The following IGF2R variants were observed in gnomAD, a reference collection of about 807,000 sequenced individuals.
IGF2R encodes cation-independent mannose-6-phosphate receptor.
Under a neutral mutation model 270.6 loss-of-function variants are expected in IGF2R, and 91 were observed. That is an observed-to-expected ratio of 0.34 (90% CI 0.28 to 0.40). The LOEUF (loss-of-function observed/expected upper bound fraction) is 0.40, where lower values mean the gene tolerates loss of function less well. Among genes scored for constraint, IGF2R ranks in the 10% least tolerant of loss-of-function variants. The pLI, the probability that IGF2R is intolerant of heterozygous loss-of-function variation, is 1.00. For missense variants in IGF2R, 2,805 were observed against 3,188.3 expected, an observed-to-expected ratio of 0.88 and a Z score of 2.90; for synonymous variants, 1,316 against 1,258.9, an observed-to-expected ratio of 1.05 and a Z score of -0.96.
intron 47 of IGF2R, among the ~76,000 whole-genome samples, 163 bp from the exon 48 acceptor site, chr6:160,104,511 C>T (rs553148759): frequency 3.9e-5 from 6 of 152,138 alleles, no homozygotes; most frequent in South Asian, 2.1e-4. Flanking sequence ...TGCCAGCCCT[C>T]GTCTTCCTTT....
intron 7 of IGF2R, among the ~76,000 whole-genome samples, chr6:160,031,382 T>C (rs1025389734): frequency 2.0e-5 from 3 of 152,152 alleles, no homozygotes; most frequent in African/African-American, 7.2e-5. Flanking sequence ...CAGTGGTTAT[T>C]AGTATTTTTT....
rs751393815 is a variant in IGF2R at position 160,079,692 on chromosome 6, C to T, written c.5591C>T (p.Ala1864Val). 4.5e-6 allele frequency: 7 copies of T among 1,540,990 alleles called. No homozygotes were observed. Among genetic ancestry groups the T allele is most frequent in the Non-Finnish European group, 6.1e-6 (7 of 1,146,236 alleles). ...GVCLLSGTKG[A>V]SFGRLQSMKL... is the part of the protein sequence containing the mutation. Reference sequence around the variant, plus strand: ...TGTCTGCTCTCAGGCACCAAGGGGGCATCCTTTGGACGGCTGCAATCAATG... The same window carrying T: ...TGTCTGCTCTCAGGCACCAAGGGGGTATCCTTTGGACGGCTGCAATCAATG... The change falls in exon 38 of 48, where the codon GCA becomes GTA. Residue 1864 changes from alanine to valine, a missense_variant. Coordinates refer to ENST00000356956, the MANE Select transcript of IGF2R (RefSeq NM_000876.4).
intron 19 of IGF2R, among the ~76,000 whole-genome samples, chr6:160,055,381 A>G (rs1778289702): frequency 6.6e-6 from 1 of 152,008 alleles, no homozygotes; most frequent in Non-Finnish European, 1.5e-5. Flanking sequence ...GTAGCTTCAC[A>G]TTGTTGTCGT....
At chr6:160,023,454 A>G (rs1012483659) in intron 4 of IGF2R, among the ~76,000 whole-genome samples, 8 of 152,158 alleles carry the variant, frequency 5.3e-5, no homozygotes, top group African/African-American at 1.9e-4. Context: ...GGTTTTGTGT[A>G]TCCAAGTGAT....
At chr6:160,021,923 C>T (rs958838569) in intron 4 of IGF2R, among the ~76,000 whole-genome samples, 3 of 152,096 alleles carry the variant, frequency 2.0e-5, no homozygotes, top group Admixed American at 6.6e-5. Flanking sequence ...CAAAGAGATA[C>T]GTGCACTCGT....
rs1015961805 is a variant in IGF2R at position 160,082,791 on chromosome 6, G to A, written c.5834-1159G>A. The stretch of plus-strand genomic sequence containing the variant: ...ACATGAGATGTGGCCAGGGCAGCAC[G>A]TGGTGTGTTGCCAGATGGCGGATGG... On this transcript the variant is annotated intron_variant, in intron 39 of 47. Transcript: ENST00000356956. 9.8e-5 allele frequency among the ~76,000 whole-genome samples: 15 copies of A among 152,368 alleles called. No individual in the cohort carries two copies. In the East Asian group the frequency reaches 2.3e-3, roughly 24 times the overall value.
intron 11 of IGF2R, among the ~76,000 whole-genome samples, chr6:160,042,667 C>T (rs1239578011): frequency 6.6e-6 from 1 of 152,216 alleles, no homozygotes; most frequent in African/African-American, 2.4e-5. Flanking sequence ...GCATTGCATC[C>T]TGCACTCAGT....
At chr6:160,043,919 A>G (rs1471518521) in intron 12 of IGF2R, among the ~76,000 whole-genome samples, 3 of 152,222 alleles carry the variant, frequency 2.0e-5, no homozygotes, top group Admixed American at 2.0e-4. Flanking sequence ...GGTATTCAGA[A>G]TTGCTGGTGT....
intron 2 of IGF2R, chr6:160,006,763 C>T (rs904148968): frequency 1.2e-4 from 19 of 152,274 alleles, no homozygotes; most frequent in African/African-American, 4.1e-4. Context: ...ATAGACTAAC[C>T]TTTTTCCTTT....
rs1779503710 is a variant in IGF2R, at chr6:160,102,278, G to A, written c.6843-241G>A. Reference sequence around the variant, plus strand: ...TGGGTGAATGATAGTTCATGGAGCTGGAAGCAGTGCCTTCTTGTCTGCTTT... The same window carrying A: ...TGGGTGAATGATAGTTCATGGAGCTAGAAGCAGTGCCTTCTTGTCTGCTTT... On this transcript the variant is annotated intron_variant, in intron 45 of 47. Transcript: ENST00000356956. This position sits in a 1 kb window ranked among gnomAD's most constrained non-coding sequence, Gnocchi z 4.5. Among the ~76,000 whole-genome samples, 1 of 152,334 alleles carries A rather than the reference G, an allele frequency of 6.6e-6. No homozygotes were observed. The highest frequency in any genetic ancestry group is 2.4e-5 in the African/African-American group (1 of 41,576).
rs553296736 is a variant in IGF2R at position 160,102,880 on chromosome 6, C to T, written c.6995+209C>T. ...TCTGTCTGACCAAGGCCGAGGCCCT[C>T]GCACATCACCCGTGCCTGCGGCTTC... is the stretch of plus-strand genomic sequence containing the variant. On this transcript the variant is annotated intron_variant, in intron 46 of 47. Transcript: ENST00000356956. This position sits in a 1 kb window ranked among gnomAD's most constrained non-coding sequence, Gnocchi z 4.5. 2.0e-5 allele frequency among the ~76,000 whole-genome samples: 3 copies of T among 152,298 alleles called. No individual in the cohort carries two copies. Among genetic ancestry groups the T allele is most frequent in the Admixed American group, 6.5e-5 (1 of 15,304 alleles).
In IGF2R at chr6:160,056,776, C is replaced by T. The variant is rs146080272; in HGVS notation, c.2796+251C>T. ...AGTTTCCTTCCTTTTGTTTCCATTCCTTTGTGCCTTCCATGTGGCAGTGGT... is the reference window on the plus strand; with the variant it reads ...AGTTTCCTTCCTTTTGTTTCCATTCTTTTGTGCCTTCCATGTGGCAGTGGT... On this transcript the variant is annotated intron_variant, in intron 20 of 47. Coordinates refer to ENST00000356956, the MANE Select transcript of IGF2R (RefSeq NM_000876.4). Among the ~76,000 whole-genome samples the T allele has an allele frequency of 5.3e-3, 803 of 152,302 alleles. 4 individuals are homozygous for T. Among genetic ancestry groups the T allele is most frequent in the Non-Finnish European group, 7.1e-3 (484 of 68,020 alleles).
In IGF2R at chr6:160,048,435, A is replaced by G. The variant is rs1339295180; in HGVS notation, c.2406A>G (p.Glu802=). The change falls in exon 18 of 48, where the codon GAA becomes GAG. Residue 802 remains glutamate (E), a synonymous_variant. Coordinates refer to ENST00000356956, the MANE Select transcript of IGF2R (RefSeq NM_000876.4). The part of the protein sequence containing the change: ...GNWYAMDNSG[E]HVTWRKYYIN... ...GGTATGCCATGGACAACTCAGGGGA[A>G]CATGTCACGTGGAGGAAATACTACA... The G allele has an allele frequency of 1.2e-6, 2 of 1,614,254 alleles. No homozygotes were observed. Among genetic ancestry groups the G allele is most frequent in the Non-Finnish European group, 1.7e-6 (2 of 1,180,040 alleles).
intron 44 of IGF2R, chr6:160,092,981 T>TA (rs1321138752): frequency 6.6e-6 from 1 of 152,342 alleles, no homozygotes; most frequent in African/African-American, 2.4e-5. Flanking sequence ...ACTTCAGATT[T>TA]ACCCTTTCAC....
At chr6:160,047,007 G>A (rs944947559) in intron 15 of IGF2R, 152 bp from the exon 16 acceptor site, 12 of 690,608 alleles carry the variant, frequency 1.7e-5, no homozygotes, top group African/African-American at 5.4e-5. Context: ...TCCTGCTGCC[G>A]TTGGAGACCT....
intron 2 of IGF2R, chr6:160,003,618 C>T (rs984808548): frequency 6.6e-6 from 1 of 152,142 alleles, no homozygotes; most frequent in South Asian, 2.1e-4. Context: ...TATATTAAAA[C>T]ATAGCCAACA....
At chr6:160,078,518 G>C (rs530547345) in intron 37 of IGF2R, among the ~76,000 whole-genome samples, 156 bp downstream of exon 37, 3 of 152,230 alleles carry the variant, frequency 2.0e-5, no homozygotes, top group Non-Finnish European at 4.4e-5. Context: ...GGCATGCCAG[G>C]TCTCAGGAAG....
chr6:160,078,999 G>C (rs1004937045), intron 37 of IGF2R, among the ~76,000 whole-genome samples: 1 of 152,208 alleles, frequency 6.6e-6, no homozygotes, highest in Non-Finnish European at 1.5e-5. Flanking sequence ...TGCCTGGACT[G>C]GGGTACGGAA....
chr6:160,087,422 C>A (rs1039933876), intron 41 of IGF2R, among the ~76,000 whole-genome samples: 1 of 152,132 alleles, frequency 6.6e-6, no homozygotes, highest in Non-Finnish European at 1.5e-5. Context: ...TGGACAGTGC[C>A]CTGTTCTGCA....
Sources: allele counts gnomAD v4.1 joint callset (sites outside exome capture counted in the v4.1 genomes callset), GRCh38; gene constraint gnomAD v4.1.1; non-coding constraint Gnocchi (gnomAD v3.1); transcripts MANE v1.5; gene names NCBI Gene and HGNC (gene_info 2026-07-23, HGNC 2026-07-21).